The following GALK2 variants were observed in gnomAD, a reference collection of about 807,000 sequenced individuals.
GALK2 encodes the protein galactokinase 2, also known as N-acetylgalactosamine kinase.
Under a neutral mutation model 52.4 loss-of-function variants are expected in GALK2, and 36 were observed. The observed-to-expected ratio is 0.69, with a 90% confidence interval of 0.53 to 0.91. The LOEUF (loss-of-function observed/expected upper bound fraction) is 0.91, where lower values mean the gene tolerates loss of function less well. Among genes scored for constraint, GALK2 ranks in the 40% least tolerant of loss-of-function variants. The probability of loss-of-function intolerance (pLI) is 0.00; values close to 1 mark genes in which losing one functional copy is unlikely to be tolerated. For synonymous variants in GALK2, 176 were observed against 199.1 expected (o/e 0.88, Z 0.98); for missense variants, 579 against 559.1 (o/e 1.04, Z -0.36).
chr15:49,356,287 G>A (rs1339992508), intron 3 of GALK2, among the ~76,000 whole-genome samples: 2 of 151,514 alleles, frequency 1.3e-5, no homozygotes, highest in African/African-American at 4.9e-5. Context: ...ACACAGACTG[G>A]CAAATTGGAT....
At chr15:49,171,794 CAG>C (rs1410983840) in intron 1 of GALK2, among the ~76,000 whole-genome samples, 2 of 146,050 alleles carry the variant, frequency 1.4e-5, no homozygotes, top group Admixed American at 1.4e-4. Flanking sequence ...TTTTTTGAGA[CAG>C]AGTCTTGTTC....
intron 3 of GALK2, among the ~76,000 whole-genome samples, chr15:49,232,499 G>A (rs1385939982): frequency 6.6e-6 from 1 of 152,158 alleles, no homozygotes; most frequent in Non-Finnish European, 1.5e-5. Flanking sequence ...CTTTACTTAT[G>A]CAAATTTCTG....
intron 3 of GALK2, chr15:49,365,886 T>C: frequency 1.0e-6 from 1 of 963,942 alleles, no homozygotes; most frequent in Non-Finnish European, 1.7e-6. Flanking sequence ...TATGAATTAG[T>C]GCAGCAAGAG....
intron 5 of GALK2, among the ~76,000 whole-genome samples, chr15:49,250,463 A>G (rs1430926046): frequency 7.2e-5 from 11 of 152,206 alleles, no homozygotes; most frequent in Admixed American, 7.2e-4. Flanking sequence ...ACTTTGTGGT[A>G]GTCTTGTAAA....
At chr15:49,357,507 C>G (rs368856496) in intron 3 of GALK2, among the ~76,000 whole-genome samples, 4 of 151,908 alleles carry the variant, frequency 2.6e-5, no homozygotes, top group Admixed American at 2.6e-4. Flanking sequence ...ATAAATTCCT[C>G]GACACATACA....
intron 3 of GALK2, among the ~76,000 whole-genome samples, chr15:49,232,048 C>T (rs2090531897): frequency 3.3e-5 from 5 of 152,224 alleles, no homozygotes; most frequent in Admixed American, 2.6e-4. Context: ...GGATTCAACC[C>T]CAGATTTCCC....
intron 3 of GALK2, among the ~76,000 whole-genome samples, chr15:49,357,514 T>C (rs1265807403): frequency 2.6e-5 from 4 of 152,022 alleles, no homozygotes; most frequent in African/African-American, 9.7e-5. Flanking sequence ...CCTCGACACA[T>C]ACACTCTCCC....
intron 8 of GALK2, among the ~76,000 whole-genome samples, chr15:49,310,551 ATTTT>A (rs1278807642): frequency 1.3e-5 from 2 of 151,976 alleles, no homozygotes; most frequent in South Asian, 2.1e-4. Context: ...ATCACTTGTT[ATTTT>A]TTTGTCTTTT....
intron 8 of GALK2, among the ~76,000 whole-genome samples, chr15:49,311,166 C>G (rs2035959669): frequency 6.6e-6 from 1 of 152,114 alleles, no homozygotes; most frequent in Non-Finnish European, 1.5e-5. Context: ...CTCAATCTAA[C>G]TGGAATTTTT....
intron 3 of GALK2, among the ~76,000 whole-genome samples, chr15:49,357,346 A>T (rs1162817774): frequency 6.7e-6 from 1 of 150,180 alleles, no homozygotes; most frequent in East Asian, 1.9e-4. Flanking sequence ...AGCAAGACTA[A>T]TAAAGAAAAA....
chr15:49,159,420 A>G (rs2084568428), intron 1 of GALK2, among the ~76,000 whole-genome samples: 1 of 152,048 alleles, frequency 6.6e-6, no homozygotes, highest in Non-Finnish European at 1.5e-5. Context: ...TGCTAAAAAT[A>G]CAAAAAAAAA....
chr15:49,184,412 T>A (rs558746146), intron 1 of GALK2, among the ~76,000 whole-genome samples: 3 of 152,308 alleles, frequency 2.0e-5, no homozygotes, highest in African/African-American at 7.2e-5. Context: ...TGGATTTTGT[T>A]TTGTTTTTAA....
At chr15:49,357,498 T>G (rs919630698) in intron 3 of GALK2, among the ~76,000 whole-genome samples, 2 of 152,082 alleles carry the variant, frequency 1.3e-5, no homozygotes, top group African/African-American at 4.8e-5. Flanking sequence ...AAATAATGGA[T>G]AAATTCCTCG....
At chr15:49,342,581 G>C (rs952867434) in intron 3 of GALK2, among the ~76,000 whole-genome samples, 2 of 152,138 alleles carry the variant, frequency 1.3e-5, no homozygotes, top group African/African-American at 4.8e-5. Flanking sequence ...GAAGTTGTTA[G>C]CTGGTTGCTT....
At chr15:49,213,290 A>G (rs1324294816) in intron 2 of GALK2, among the ~76,000 whole-genome samples, 1 of 152,090 alleles carries the variant, frequency 6.6e-6, no homozygotes, top group East Asian at 1.9e-4. Context: ...CTGTTTATTT[A>G]TGCATAACTA....
At chr15:49,217,085 G>T (rs2089438890) in intron 2 of GALK2, 105 bp from the exon 3 acceptor site, 2 of 927,478 alleles carry the variant, frequency 2.2e-6, no homozygotes, top group Admixed American at 2.6e-5. Context: ...TTTATTTACT[G>T]TTAAAACCTG....
At chr15:49,290,629 T>C (rs2033841319) in intron 7 of GALK2, among the ~76,000 whole-genome samples, 2 of 152,222 alleles carry the variant, frequency 1.3e-5, no homozygotes, top group Non-Finnish European at 2.9e-5. Context: ...ACTTGGAGAT[T>C]ACTGTGGACT....
chr15:49,227,851 A>G (rs1230936905), intron 3 of GALK2, among the ~76,000 whole-genome samples: 1 of 151,918 alleles, frequency 6.6e-6, no homozygotes, highest in Non-Finnish European at 1.5e-5. Context: ...TGGTGTATAT[A>G]TTATCCCTTT....
In GALK2 at chr15:49,276,367, G is replaced by A. The variant is rs34378451; in HGVS notation, c.505-5620G>A. 2.4e-3 allele frequency among the ~76,000 whole-genome samples: 370 copies of A among 152,304 alleles called. 3 individuals carry two copies. The highest frequency in any genetic ancestry group is 4.1e-3 in the South Asian group (20 of 4,830). ...CTTAGAATCACTTAGCCATCAGGTA[G>A]AAATATGCCTTTGTCCTTTGCTAAA... On this transcript the variant is annotated intron_variant, in intron 5 of 9. Transcript: ENST00000560031.
Sources: allele counts gnomAD v4.1 joint callset (sites outside exome capture counted in the v4.1 genomes callset), GRCh38; gene constraint gnomAD v4.1.1; transcripts MANE v1.5; gene names NCBI Gene and HGNC (gene_info 2026-07-23, HGNC 2026-07-21).